Variants in SLC11A2 observed in about 807,000 individuals in gnomAD.
SLC11A2 encodes solute carrier family 11 member 2.
Under a neutral mutation model 68.0 loss-of-function variants are expected in SLC11A2, and 38 were observed. The ratio of observed to expected loss-of-function variants is 0.56; its 90% CI spans 0.43 to 0.73. The LOEUF (loss-of-function observed/expected upper bound fraction) is 0.73, where lower values mean the gene tolerates loss of function less well. SLC11A2 is among the 30% of genes least tolerant of loss of function. SLC11A2 has a pLI of 0.00. For missense variants in SLC11A2, 517 were observed against 690.5 expected, an observed-to-expected ratio of 0.75 and a Z score of 2.82; for synonymous variants, 242 against 250.6, an observed-to-expected ratio of 0.97 and a Z score of 0.32.
At chr12:51,026,187 C>G (rs1378087624) in intron 1 of SLC11A2, 123 bp downstream of exon 1, 1 of 1,184,198 alleles carries the variant, frequency 8.4e-7, no homozygotes, top group Admixed American at 3.6e-5. Flanking sequence ...CAGCCCCGCA[C>G]GGCGAGCCGG....
At chr12:51,025,597 T>C (rs1261484049) in intron 1 of SLC11A2, 2 of 280,708 alleles carry the variant, frequency 7.1e-6, no homozygotes, top group Non-Finnish European at 1.1e-5. Flanking sequence ...TTGCAAGAGA[T>C]GTCACATTTA....
the SLC11A2 span, among the ~76,000 whole-genome samples, chr12:50,969,285 C>T: frequency 6.6e-6 from 1 of 150,602 alleles, no homozygotes; most frequent in African/African-American, 2.4e-5. Context: ...GACAGAGAGA[C>T]CCCATCTCAA....
downstream of SLC11A2, chr12:50,979,959 C>T (rs706802): frequency 0.75 from 338,529 of 453,814 alleles, 127,396 homozygotes; most frequent in East Asian, 0.87. Context: ...GATGCAGTGG[C>T]TCACGCCTAT....
chr12:50,999,135 CTT>C (rs1330108080), intron 8 of SLC11A2, 37 bp downstream of exon 8: 3 of 1,443,280 alleles, frequency 2.1e-6, no homozygotes, highest in Admixed American at 1.8e-5. Context: ...ACCACAAAAA[CTT>C]ATTTTAAGAA....
At chr12:51,009,341 T>C (rs1389685949) in intron 2 of SLC11A2, 20 of 1,223,146 alleles carry the variant, frequency 1.6e-5, no homozygotes, top group South Asian at 1.2e-4. Flanking sequence ...AGCGTTTCCC[T>C]GAGTTCTGCA....
intron 10 of SLC11A2, chr12:50,994,919 A>G: frequency 4.9e-6 from 2 of 407,980 alleles, no homozygotes; most frequent in Non-Finnish European, 4.6e-6. Context: ...GGCTCTGAAG[A>G]AGGCTTCAGA....
rs531736821 is a variant in SLC11A2, at chr12:51,007,631, G to A, written c.183+845C>T. ...ATTACAGGTGTGAGCCACCGCGCCT[G>A]GCCTGTTTTGTTTTGGTTTTCGTTT... On this transcript the variant is annotated intron_variant, in intron 3 of 15. Coordinates refer to ENST00000262052, the MANE Select transcript of SLC11A2 (RefSeq NM_000617.3). Among the ~76,000 whole-genome samples, 7 of 147,356 alleles carry A rather than the reference G, an allele frequency of 4.8e-5. No individual in the cohort carries two copies. In the South Asian group the frequency reaches 6.5e-4, roughly 14 times the overall value.
Position 51,026,310 on chromosome 12 carries a change from C to T in SLC11A2, c.-39G>A, listed in dbSNP as rs751410203. On this transcript the variant is annotated splice_region_variant and 5_prime_UTR_variant, in exon 1 of 16. Coordinates refer to ENST00000262052, the MANE Select transcript of SLC11A2 (RefSeq NM_000617.3). ...ACCCCTGACCTTGCCTTCCCCTCAC[C>T]TTACCAGCTCCGCAACCACCTGACA... 51 of 1,268,354 alleles carry T rather than the reference C, an allele frequency of 4.0e-5. No individual in the cohort carries two copies. In the Middle Eastern group the frequency reaches 1.3e-3, roughly 33 times the overall value. The allele number at this position is 1,268,354 out of a possible 1,614,324, so 78.6% of individuals were successfully genotyped here.
At chr12:50,979,699 G>A (rs1939912029), downstream of SLC11A2, 1 of 380,688 alleles carries the variant, frequency 2.6e-6, no homozygotes, top group Non-Finnish European at 5.2e-6. Flanking sequence ...AGGCCCTGAA[G>A]TAGAAATGAG....
In SLC11A2 at chr12:50,999,166, C is replaced by A; in HGVS notation, c.675+8G>T. 6.2e-7 allele frequency: 1 copy of A among 1,601,926 alleles called. No homozygotes were observed. Among genetic ancestry groups the A allele is most frequent in the Non-Finnish European group, 8.6e-7 (1 of 1,169,462 alleles). ...TTAAGAAGCTAATGAATATCCTGTA[C>A]CACTTGCCTCATATCCAAATGTGAG... On this transcript the variant is annotated splice_region_variant and intron_variant, in intron 8 of 15. Coordinates refer to ENST00000262052, the MANE Select transcript of SLC11A2 (RefSeq NM_000617.3).
At chr12:51,015,065 C>G (rs542318680) in intron 1 of SLC11A2, among the ~76,000 whole-genome samples, 1 of 151,798 alleles carries the variant, frequency 6.6e-6, no homozygotes, top group Non-Finnish European at 1.5e-5. Context: ...AACGCTAAAG[C>G]GGGAGAATCG....
At chr12:50,983,424 G>A (rs1049364023), downstream of SLC11A2, among the ~76,000 whole-genome samples, 7 of 152,094 alleles carry the variant, frequency 4.6e-5, no homozygotes, top group Non-Finnish European at 1.0e-4. Context: ...TAATATAAAG[G>A]CACTGGAGTT....
chr12:51,008,303 GT>G lies in SLC11A2; in HGVS notation c.183+172del. 6 of 314,932 alleles carry G rather than the reference GT, an allele frequency of 1.9e-5. No individual in the cohort carries two copies. The South Asian group carries it at 1.9e-4, about 10-fold the overall frequency. The allele number at this position is 314,932 out of a possible 1,614,324, so 19.5% of individuals were successfully genotyped here. ...ACAGAGATAGATAGATATAGATGGG[GT>G]GTGTGTGTGTGTGTGTGTGTGTATA... On this transcript the variant is annotated intron_variant, in intron 3 of 15. Coordinates refer to ENST00000262052, the MANE Select transcript of SLC11A2 (RefSeq NM_000617.3).
At chr12:51,006,426 G>A (rs1438118616) in intron 3 of SLC11A2, among the ~76,000 whole-genome samples, 1 of 152,058 alleles carries the variant, frequency 6.6e-6, no homozygotes, top group Non-Finnish European at 1.5e-5. Context: ...CAGATAACAG[G>A]CCCTGAAAGA....
chr12:50,991,590 T>TC lies in SLC11A2; in HGVS notation c.1421+8_1421+9insG. 6.2e-7 allele frequency: 1 copy of TC among 1,611,660 alleles called. No homozygotes were observed. Among genetic ancestry groups the TC allele is most frequent in the Non-Finnish European group, 8.5e-7 (1 of 1,178,190 alleles). ...CATCCCCTTTGGGAACGAAGAGGAG[T>TC]ACACTCACAGTCCATTGGCAAAGTC... On this transcript the variant is annotated intron_variant, in intron 14 of 15. Coordinates refer to ENST00000262052, the MANE Select transcript of SLC11A2 (RefSeq NM_000617.3).
At chr12:51,014,767 C>T (rs1411847297) in intron 1 of SLC11A2, among the ~76,000 whole-genome samples, 1 of 151,988 alleles carries the variant, frequency 6.6e-6, no homozygotes. Context: ...GCAGGAGAAT[C>T]GTTTGAACCC....
At chr12:50,994,732 G>T in intron 10 of SLC11A2, 102 bp from the exon 11 acceptor site, 1 of 761,248 alleles carries the variant, frequency 1.3e-6, no homozygotes, top group Non-Finnish European at 2.4e-6. Flanking sequence ...GAGGTAGGCT[G>T]GAGGGAAAAC....
intron 1 of SLC11A2, chr12:51,024,283 T>C (rs908882511): frequency 6.6e-6 from 1 of 152,194 alleles, no homozygotes; most frequent in Non-Finnish European, 1.5e-5. Context: ...AGGGCAGATA[T>C]CTGTCAGCAG....
chr12:50,970,584 G>T, the SLC11A2 span: 2 of 866,074 alleles, frequency 2.3e-6, no homozygotes, highest in African/African-American at 3.4e-5. Flanking sequence ...TCAATATGTA[G>T]CAAATTTTAC....
Sources: gnomAD v4.1 joint callset for allele counts (sites outside exome capture counted in the v4.1 genomes callset) on GRCh38, gnomAD v4.1.1 for gene constraint, MANE v1.5 for transcripts, NCBI Gene and HGNC (gene_info 2026-07-23, HGNC 2026-07-21) for gene names.